TANGO6: variants seen among roughly 807,000 people sequenced by gnomAD.
TANGO6 encodes transport and golgi organization 6 homolog.
TANGO6 carries 90 observed loss-of-function variants against 114.2 expected under a neutral mutation model. That is an observed-to-expected ratio of 0.79 (90% CI 0.66 to 0.94). The LOEUF is 0.94. TANGO6 is among the 40% of genes least tolerant of loss of function. The pLI, the probability that TANGO6 is intolerant of heterozygous loss-of-function variation, is 0.00. For missense variants in TANGO6, 1,274 were observed against 1,315.3 expected (o/e 0.97, Z 0.49); for synonymous variants, 477 against 509.8 (o/e 0.94, Z 0.87).
intron 12 of TANGO6, among the ~76,000 whole-genome samples, chr16:68,924,042 C>G (rs1200511669): frequency 1.3e-5 from 2 of 152,074 alleles, no homozygotes; most frequent in Non-Finnish European, 2.9e-5. Flanking sequence ...TCAGAATTTC[C>G]CTAGAGTGGA....
chr16:69,081,399 G>A (rs8054727), intron 17 of TANGO6, among the ~76,000 whole-genome samples: 40,581 of 151,410 alleles, frequency 0.27, 6,233 homozygotes, highest in African/African-American at 0.43. Flanking sequence ...TTTTTGAGGT[G>A]GAGTCTCACT....
chr16:69,022,464 G>A (rs1025005408), intron 15 of TANGO6, among the ~76,000 whole-genome samples: 25 of 152,292 alleles, frequency 1.6e-4, no homozygotes, highest in African/African-American at 5.5e-4. Context: ...AGCACTTTGG[G>A]AGGCCAAGGC....
intron 16 of TANGO6, among the ~76,000 whole-genome samples, chr16:69,031,855 G>A (rs1363006085): frequency 1.3e-5 from 2 of 151,744 alleles, no homozygotes; most frequent in Non-Finnish European, 1.5e-5. Context: ...TAGAGATGGG[G>A]TTTCACCATG....
chr16:68,880,420 A>G, intron 6 of TANGO6, 128 bp from the exon 7 acceptor site: 1 of 572,804 alleles, frequency 1.7e-6, no homozygotes, highest in Non-Finnish European at 3.1e-6. Context: ...TTGTTCAATG[A>G]TAACCATTTT....
chr16:68,881,811 C>G (rs1366280239), intron 7 of TANGO6, among the ~76,000 whole-genome samples: 2 of 151,950 alleles, frequency 1.3e-5, no homozygotes, highest in African/African-American at 2.4e-5. Flanking sequence ...AAATGAAATT[C>G]ATTGTGTTAT....
intron 2 of TANGO6, among the ~76,000 whole-genome samples, chr16:68,860,742 C>G (rs1962080998): frequency 6.6e-6 from 1 of 152,134 alleles, no homozygotes; most frequent in African/African-American, 2.4e-5. Flanking sequence ...TCACCTGTCC[C>G]TTGTCATTTT....
chr16:69,009,667 T>C (rs1964127887), intron 15 of TANGO6, among the ~76,000 whole-genome samples: 1 of 152,238 alleles, frequency 6.6e-6, no homozygotes, highest in Non-Finnish European at 1.5e-5. Flanking sequence ...ATATTGTCCT[T>C]CAATTCATGA....
chr16:68,855,818 G>A (rs1189313859), intron 1 of TANGO6, among the ~76,000 whole-genome samples: 4 of 151,546 alleles, frequency 2.6e-5, no homozygotes, highest in Non-Finnish European at 5.9e-5. Flanking sequence ...CTGGGAGGTG[G>A]AGGTTGCCGT....
intron 15 of TANGO6, among the ~76,000 whole-genome samples, chr16:69,001,162 C>T (rs1484191692): frequency 6.6e-6 from 1 of 152,082 alleles, no homozygotes; most frequent in Non-Finnish European, 1.5e-5. Flanking sequence ...GGATACAGGA[C>T]AGAATGGCCT....
chr16:68,864,013 A>T (rs1028760528), intron 3 of TANGO6, among the ~76,000 whole-genome samples: 31 of 152,032 alleles, frequency 2.0e-4, no homozygotes, highest in African/African-American at 7.0e-4. Context: ...TGTCTCTACG[A>T]AAAATACAAA....
chr16:69,052,009 A>AC (rs1465039033), intron 17 of TANGO6, among the ~76,000 whole-genome samples: 1 of 138,608 alleles, frequency 7.2e-6, no homozygotes, highest in African/African-American at 2.7e-5. Flanking sequence ...GTGCAGTGCC[A>AC]CCATCATGGC....
chr16:68,978,264 G>A (rs572228971), intron 15 of TANGO6, among the ~76,000 whole-genome samples: 42 of 152,182 alleles, frequency 2.8e-4, no homozygotes, highest in Non-Finnish European at 5.3e-4. Context: ...AGTCCCCATT[G>A]GCCAGTCCAA....
intron 14 of TANGO6, among the ~76,000 whole-genome samples, chr16:68,950,301 C>A (rs1051262260): frequency 6.6e-6 from 1 of 152,190 alleles, no homozygotes; most frequent in Non-Finnish European, 1.5e-5. Context: ...CGTGGTGGCT[C>A]ATGCCTGTAA....
At chr16:69,082,141 G>A (rs112334589) in intron 17 of TANGO6, among the ~76,000 whole-genome samples, 40,040 of 151,990 alleles carry the variant, frequency 0.26, 5,983 homozygotes, top group African/African-American at 0.41. Flanking sequence ...CTGCCACCAC[G>A]CCCAGCTAAT....
chr16:68,886,534 G>C (rs1283815839), intron 7 of TANGO6, among the ~76,000 whole-genome samples: 2 of 151,102 alleles, frequency 1.3e-5, no homozygotes, highest in Admixed American at 6.6e-5. Flanking sequence ...TTGAGACAGA[G>C]TTTTGCTCTT....
chr16:69,036,835 C>T (rs1317657697), intron 16 of TANGO6, among the ~76,000 whole-genome samples: 5 of 151,976 alleles, frequency 3.3e-5, no homozygotes, highest in Admixed American at 1.3e-4. Flanking sequence ...TAGTGGTACA[C>T]GCCTGTAGTC....
At chr16:68,846,893 CTTTT>C (rs113735205) in intron 1 of TANGO6, 2 of 143,058 alleles carry the variant, frequency 1.4e-5, no homozygotes, top group Admixed American at 7.0e-5. Context: ...GAGGTAATAC[CTTTT>C]TTTTTTTTTT....
chr16:69,001,068 ATT>A (rs1964037596), intron 15 of TANGO6, among the ~76,000 whole-genome samples: 1 of 152,220 alleles, frequency 6.6e-6, no homozygotes, highest in South Asian at 2.1e-4. Flanking sequence ...GAAAAAACAC[ATT>A]CTCATGCCTT....
chr16:68,950,774 G>A (rs377243820), intron 14 of TANGO6, among the ~76,000 whole-genome samples: 2 of 151,880 alleles, frequency 1.3e-5, no homozygotes, highest in Non-Finnish European at 1.5e-5. Flanking sequence ...CAGGAGAATC[G>A]CTTGAGCCTG....
Sources: allele counts gnomAD v4.1 joint callset (sites outside exome capture counted in the v4.1 genomes callset), GRCh38; gene constraint gnomAD v4.1.1; transcripts MANE v1.5; gene names NCBI Gene and HGNC (gene_info 2026-07-23, HGNC 2026-07-21).